Variants in WASF2 observed in about 807,000 individuals in gnomAD.
WASF2 encodes the protein actin-binding protein WASF2.
A neutral mutation model predicts 45.0 loss-of-function variants in WASF2; 14 were observed. The ratio of observed to expected loss-of-function variants is 0.31; its 90% CI spans 0.21 to 0.49. The LOEUF is 0.49. Among genes scored for constraint, WASF2 ranks in the 20% least tolerant of loss-of-function variants. The pLI, the probability that WASF2 is intolerant of heterozygous loss-of-function variation, is 0.99. For missense variants in WASF2, 439 were observed against 636.1 expected (o/e 0.69, Z 3.33); for synonymous variants, 200 against 236.3 (o/e 0.85, Z 1.41).
At chr1:27,416,210 G>A (rs978677207) in intron 4 of WASF2, 108 bp from the exon 5 acceptor site, 3 of 901,266 alleles carry the variant, frequency 3.3e-6, no homozygotes, top group African/African-American at 1.6e-5. Context: ...AAGGAATCAA[G>A]AAGTCATTTG....
intron 1 of WASF2, among the ~76,000 whole-genome samples, chr1:27,439,842 A>C (rs985736076): frequency 6.6e-6 from 1 of 152,010 alleles, no homozygotes; most frequent in Non-Finnish European, 1.5e-5. Flanking sequence ...CTACAAAAAA[A>C]ATTAAAAGTT....
chr1:27,426,855 G>A (rs1364746794), intron 2 of WASF2, among the ~76,000 whole-genome samples: 1 of 152,012 alleles, frequency 6.6e-6, no homozygotes, highest in African/African-American at 2.4e-5. Context: ...TCTGAAAAAT[G>A]GGAATACCAC....
At chr1:27,429,490 A>T (rs1479759140) in intron 1 of WASF2, among the ~76,000 whole-genome samples, 8 of 152,226 alleles carry the variant, frequency 5.3e-5, no homozygotes, top group Admixed American at 5.2e-4. Flanking sequence ...ATAGCTAACC[A>T]CTAGGCCGGG....
chr1:27,447,054 C>T (rs1172308344), intron 1 of WASF2, among the ~76,000 whole-genome samples: 1 of 152,012 alleles, frequency 6.6e-6, no homozygotes. Flanking sequence ...GGCTTTGACA[C>T]AGTATATACA....
At chr1:27,436,705 A>G (rs1217967680) in intron 1 of WASF2, among the ~76,000 whole-genome samples, 5 of 152,194 alleles carry the variant, frequency 3.3e-5, no homozygotes, top group African/African-American at 1.2e-4. Flanking sequence ...TTCCTGTTGA[A>G]ATACAGGGTG....
At chr1:27,488,686 A>G (rs2017980321) in intron 1 of WASF2, among the ~76,000 whole-genome samples, 1 of 152,196 alleles carries the variant, frequency 6.6e-6, no homozygotes, top group South Asian at 2.1e-4. Flanking sequence ...CCTTCCAGAG[A>G]TCAAGACTGT....
At chr1:27,413,727 G>A (rs1400580647) in intron 6 of WASF2, among the ~76,000 whole-genome samples, 2 of 152,182 alleles carry the variant, frequency 1.3e-5, no homozygotes, top group East Asian at 1.9e-4. Flanking sequence ...CACATGGGTA[G>A]CTGGCATTCT....
rs2017958404 is a variant in WASF2 at position 27,487,631 on chromosome 1, TATATAATATATATTATATATTATATA to T, written c.-44+2329_-44+2354del. Reference sequence around the variant, plus strand: ...TATATATTATATATATTTTATACAATATATAATATATATTATATATTATATAATATATATTATATATATTTTATATA... The same window carrying T: ...TATATATTATATATATTTTATACAATATATATATTATATATATTTTATATA... On this transcript the variant is annotated intron_variant, in intron 1 of 8. Transcript: ENST00000618852. Among the ~76,000 whole-genome samples, 3 of 88,202 alleles carry T rather than the reference TATATAATATATATTATATATTATATA, an allele frequency of 3.4e-5. No individual in the cohort carries two copies. In the South Asian group the frequency reaches 9.1e-4, roughly 27 times the overall value. The allele number at this position is 88,202 out of a possible 152,430, so 57.9% of individuals were successfully genotyped here. A position where few individuals can be genotyped will look rare whatever the true frequency, so the allele number is the denominator to read the frequency against.
intron 7 of WASF2, among the ~76,000 whole-genome samples, chr1:27,411,857 C>T (rs1046027478): frequency 2.0e-5 from 3 of 152,072 alleles, no homozygotes; most frequent in South Asian, 2.1e-4. Flanking sequence ...AGTGAGACTC[C>T]GTCTCAAAAA....
chr1:27,412,558 G>T lies in WASF2; in HGVS notation c.824+14C>A. 6.2e-7 allele frequency: 1 copy of T among 1,614,062 alleles called. No homozygotes were observed. Among genetic ancestry groups the T allele is most frequent in the Non-Finnish European group, 8.5e-7 (1 of 1,179,946 alleles). ...TAACTACCAATAGTGGATGGAGTAGGTACCACCATTTACCTGAATTCTGCT... is the reference window on the plus strand; with the variant it reads ...TAACTACCAATAGTGGATGGAGTAGTTACCACCATTTACCTGAATTCTGCT... On this transcript the variant is annotated intron_variant, in intron 7 of 8. Transcript: ENST00000618852.
At chr1:27,484,513 A>G (rs1488779116) in intron 1 of WASF2, among the ~76,000 whole-genome samples, 1 of 152,186 alleles carries the variant, frequency 6.6e-6, no homozygotes, top group Admixed American at 6.6e-5. Context: ...ACCTCATTCT[A>G]AAGAATACTC....
chr1:27,477,267 C>T (rs894665253), intron 1 of WASF2, among the ~76,000 whole-genome samples: 23 of 152,128 alleles, frequency 1.5e-4, no homozygotes, highest in African/African-American at 5.1e-4. Flanking sequence ...AGGCCAGGCG[C>T]GGTGGCTCAC....
rs1402425056 is a variant in WASF2 at position 27,405,353 on chromosome 1, T to C, written c.*2836A>G. 6.6e-6 allele frequency: 1 copy of C among 152,148 alleles called. No homozygotes were observed. The highest frequency in any genetic ancestry group is 1.5e-5 in the Non-Finnish European group (1 of 68,062). 9.4% of individuals were successfully genotyped at this position (152,148 alleles called of 1,614,324 possible). ...AAGCCACAAGTTGCTTCTGACACTA[T>C]TGGAAGCTGGGCCCCAGGGCCACAG... On this transcript the variant is annotated 3_prime_UTR_variant, in exon 9 of 9. Transcript: ENST00000618852.
chr1:27,429,444 T>G (rs1323276149), intron 1 of WASF2, among the ~76,000 whole-genome samples: 1 of 152,212 alleles, frequency 6.6e-6, no homozygotes, highest in Non-Finnish European at 1.5e-5. Context: ...CAGGATTAAC[T>G]TTTCCAGTCC....
chr1:27,412,584 G>T lies in WASF2; in HGVS notation c.812C>A (p.Pro271Gln). The change falls in exon 7 of 9, where the codon CCA becomes CAA. Residue 271 changes from proline to glutamine, a missense_variant. Transcript: ENST00000618852. ...SFSEDNLPPPPAEFSYPVDNQ... is the reference protein window; with the variant it reads ...SFSEDNLPPPQAEFSYPVDNQ... ...TACCACCATTTACCTGAATTCTGCT[G>T]GTGGAGGAGGCAAGTTGTCCTCGGA... The T allele has an allele frequency of 1.2e-6, 2 of 1,614,198 alleles. No individual in the cohort carries two copies. The highest frequency in any genetic ancestry group is 1.7e-6 in the Non-Finnish European group (2 of 1,180,028).
At chr1:27,411,949 A>C (rs746920475) in intron 7 of WASF2, among the ~76,000 whole-genome samples, 1 of 152,214 alleles carries the variant, frequency 6.6e-6, no homozygotes, top group Non-Finnish European at 1.5e-5. Context: ...GTATAGGCAA[A>C]ACAGGAGTAG....
At chr1:27,483,798 A>G (rs1469917359) in intron 1 of WASF2, among the ~76,000 whole-genome samples, 1 of 151,610 alleles carries the variant, frequency 6.6e-6, no homozygotes, top group South Asian at 2.1e-4. Flanking sequence ...TAAAAAATTT[A>G]ACAAATTGGG....
chr1:27,409,315 C>T (rs12058095), intron 8 of WASF2, among the ~76,000 whole-genome samples: 1 of 150,806 alleles, frequency 6.6e-6, no homozygotes, highest in Non-Finnish European at 1.5e-5. Flanking sequence ...GTACCAGCTA[C>T]TCCGGAGGCT....
At chr1:27,486,268 A>G (rs1359900559) in intron 1 of WASF2, among the ~76,000 whole-genome samples, 1 of 152,170 alleles carries the variant, frequency 6.6e-6, no homozygotes, top group Non-Finnish European at 1.5e-5. Context: ...ATAGTACCAT[A>G]TTTCTTTTCT....
Sources: gnomAD v4.1 joint callset for allele counts (sites outside exome capture counted in the v4.1 genomes callset) on GRCh38, gnomAD v4.1.1 for gene constraint, MANE v1.5 for transcripts, NCBI Gene and HGNC (gene_info 2026-07-23, HGNC 2026-07-21) for gene names.